Variants in ZNF462 observed in about 807,000 individuals in gnomAD.
ZNF462 encodes the protein zinc finger protein 462, also known as zinc finger PBX1-interacting protein.
ZNF462 carries 10 observed loss-of-function variants against 201.9 expected under a neutral mutation model. The ratio of observed to expected loss-of-function variants is 0.05; its 90% CI spans 0.03 to 0.08. The LOEUF (loss-of-function observed/expected upper bound fraction) is 0.08, where lower values mean the gene tolerates loss of function less well. Ranked by LOEUF, ZNF462 falls within the 10% of genes least tolerant of loss-of-function variation. The pLI is 1.00. For synonymous variants in ZNF462, 1,227 were observed against 1,193.3 expected (o/e 1.03, Z -0.58); for missense variants, 2,523 against 3,168.3 (o/e 0.80, Z 4.89).
At chr9:106,903,534 C>T (rs1227855856) in intron 1 of ZNF462, among the ~76,000 whole-genome samples, 2 of 152,028 alleles carry the variant, frequency 1.3e-5, no homozygotes, top group Admixed American at 1.3e-4. Context: ...ATATTGAAGC[C>T]CCCACTATTA....
At position 106,924,009 on chromosome 9, in the gene ZNF462, T is replaced by G; in HGVS notation, c.221-124T>G. On this transcript the variant is annotated intron_variant, in intron 2 of 12. Transcript: ENST00000277225. This position sits in a 1 kb window ranked among gnomAD's most constrained non-coding sequence, Gnocchi z 6.2. ...GTGAATACTCTTCAAGGCCTCATCT[T>G]GAGACTTCAGGCCTTTTGCATGTGA... The G allele has an allele frequency of 1.2e-6, 1 of 812,424 alleles. No homozygotes were observed. Among genetic ancestry groups the G allele is most frequent in the Non-Finnish European group, 1.9e-6 (1 of 526,434 alleles). 50.3% of individuals were successfully genotyped at this position (812,424 alleles called of 1,614,324 possible).
In ZNF462 at chr9:106,919,478, G is replaced by T. The variant is rs1005664630; in HGVS notation, c.-30-3876G>T. 6.6e-6 allele frequency among the ~76,000 whole-genome samples: 1 copy of T among 152,156 alleles called. No individual in the cohort carries two copies. Reference sequence around the variant, plus strand: ...TTAAGATTGAAAATGAGCAGGCTTTGTCCATAATTTACTTTTCCCCATTTC... The same window carrying T: ...TTAAGATTGAAAATGAGCAGGCTTTTTCCATAATTTACTTTTCCCCATTTC... On this transcript the variant is annotated intron_variant, in intron 1 of 12. Transcript: ENST00000277225. The surrounding 1 kb of genome is among the most constrained non-coding windows in gnomAD (Gnocchi z 4.5).
At chr9:106,958,210 TGA>T (rs57332719) in intron 7 of ZNF462, among the ~76,000 whole-genome samples, 18,949 of 152,112 alleles carry the variant, frequency 0.12, 1,218 homozygotes, top group African/African-American at 0.14. Context: ...CTTTCCCATC[TGA>T]GAGGTCAGGA....
rs556529519 is a variant in ZNF462 at position 106,868,046 on chromosome 9, A to G, written c.-31+4691A>G. ...GCAGAAGTGGAGGGAGACTATTTCC[A>G]TGACTGAAAGCTAAAATCCAGTGAA... is the stretch of plus-strand genomic sequence containing the variant. On this transcript the variant is annotated intron_variant, in intron 1 of 12. Transcript: ENST00000277225. Among the ~76,000 whole-genome samples, 27 of 148,250 alleles carry G rather than the reference A, an allele frequency of 1.8e-4. No individual in the cohort carries two copies. The East Asian group carries it at 4.0e-3, about 22-fold the overall frequency.
intron 7 of ZNF462, among the ~76,000 whole-genome samples, chr9:106,971,246 G>A (rs1564141507): frequency 6.6e-6 from 1 of 151,618 alleles, no homozygotes; most frequent in Non-Finnish European, 1.5e-5. Flanking sequence ...CAAAGGAGGA[G>A]ATGTTGCATC....
At chr9:106,881,341 C>A (rs1828089055) in intron 1 of ZNF462, among the ~76,000 whole-genome samples, 1 of 152,114 alleles carries the variant, frequency 6.6e-6, no homozygotes. Flanking sequence ...CTGTGAGGAC[C>A]TTGGTGGTGA....
At chr9:106,940,572 CT>C (rs1830824405) in intron 7 of ZNF462, among the ~76,000 whole-genome samples, 1 of 152,168 alleles carries the variant, frequency 6.6e-6, no homozygotes, top group Non-Finnish European at 1.5e-5. Context: ...GCTTGGTGGT[CT>C]TTCCTTTGCA....
At chr9:106,910,362 G>GTTTTT (rs1011376719) in intron 1 of ZNF462, among the ~76,000 whole-genome samples, 105 of 64,694 alleles carry the variant, frequency 1.6e-3, no homozygotes, top group African/African-American at 2.6e-3. Context: ...CCTTGTTTTA[G>GTTTTT]TTTTTTTTTT....
In ZNF462 at chr9:106,928,436, C is replaced by T. The variant is rs754037426; in HGVS notation, c.4524C>T (p.Asp1508=). 1.5e-5 allele frequency: 24 copies of T among 1,614,054 alleles called. No homozygotes were observed. Among genetic ancestry groups the T allele is most frequent in the Non-Finnish European group, 3.4e-6 (4 of 1,180,042 alleles). Residue 1508 remains aspartate (D), a synonymous_variant, in exon 3 of 13, where the codon GAC becomes GAT. Transcript: ENST00000277225. This position sits in a 1 kb window ranked among gnomAD's most constrained non-coding sequence, Gnocchi z 9.3. ...VKAADFAQDI[D]INPGAVYKCR... ...CTGCTGACTTTGCCCAGGACATTGA[C>T]ATCAACCCAGGTGCCGTCTACAAAT...
At chr9:106,914,028 A>AT (rs34309250) in intron 1 of ZNF462, among the ~76,000 whole-genome samples, 28,664 of 144,478 alleles carry the variant, frequency 0.2, 3,845 homozygotes, top group Middle Eastern at 0.31. Flanking sequence ...TTCGCCTAGG[A>AT]TTTTTTTTTT....
chr9:106,874,556 G>A (rs1429766176), intron 1 of ZNF462, among the ~76,000 whole-genome samples: 1 of 152,120 alleles, frequency 6.6e-6, no homozygotes, highest in African/African-American at 2.4e-5. Flanking sequence ...TGCAGGCCTG[G>A]CAAAGGAATC....
Position 106,970,360 on chromosome 9 carries a change from G to A in ZNF462, c.6428-1645G>A, listed in dbSNP as rs1826533086. 6.6e-6 allele frequency among the ~76,000 whole-genome samples: 1 copy of A among 152,172 alleles called. No individual in the cohort carries two copies. The highest frequency in any genetic ancestry group is 2.1e-4 in the South Asian group (1 of 4,828). On this transcript the variant is annotated intron_variant, in intron 7 of 12. Coordinates refer to ENST00000277225, the MANE Select transcript of ZNF462 (RefSeq NM_021224.6). This position sits in a 1 kb window ranked among gnomAD's most constrained non-coding sequence, Gnocchi z 4.2. ...AGGAGGCGGGGAGGAGAACAAGAAG[G>A]GGAAGATATTTGAGTGTTTTGCAGA... is the stretch of plus-strand genomic sequence containing the variant.
Position 106,935,858 on chromosome 9 carries a change from G to A in ZNF462, c.6235+237G>A, listed in dbSNP as rs574708481. Among the ~76,000 whole-genome samples, 183 of 152,338 alleles carry A rather than the reference G, an allele frequency of 1.2e-3. No individual in the cohort carries two copies. The highest frequency in any genetic ancestry group is 2.2e-3 in the Non-Finnish European group (151 of 68,026). ...GCCTATGTCACCCATGTTATGGTTAGTTCGTTCGTCCTACTGACAAGTTAG... is the reference window on the plus strand; with the variant it reads ...GCCTATGTCACCCATGTTATGGTTAATTCGTTCGTCCTACTGACAAGTTAG... On this transcript the variant is annotated intron_variant, in intron 6 of 12. Transcript: ENST00000277225. The surrounding 1 kb of genome is among the most constrained non-coding windows in gnomAD (Gnocchi z 4.1).
intron 7 of ZNF462, among the ~76,000 whole-genome samples, chr9:106,947,648 T>C (rs1014525319): frequency 1.3e-5 from 2 of 152,234 alleles, no homozygotes; most frequent in Non-Finnish European, 2.9e-5. Context: ...ATTGGAGGTA[T>C]AAATGATTAA....
In ZNF462 at chr9:106,984,950, A is replaced by C. The variant is rs1827722118; in HGVS notation, c.7056+541A>C. Among the ~76,000 whole-genome samples, 2 of 152,116 alleles carry C rather than the reference A, an allele frequency of 1.3e-5. No homozygotes were observed. Among genetic ancestry groups the C allele is most frequent in the African/African-American group, 4.8e-5 (2 of 41,416 alleles). ...CATGGCGAAACCCCATCTCTACAAA[A>C]AATACAAAAGATTAGCCAGGCATGG... is the stretch of plus-strand genomic sequence containing the variant. On this transcript the variant is annotated intron_variant, in intron 10 of 12. Transcript: ENST00000277225. This position sits in a 1 kb window ranked among gnomAD's most constrained non-coding sequence, Gnocchi z 6.4.
At chr9:106,888,927 C>G (rs1481725210) in intron 1 of ZNF462, among the ~76,000 whole-genome samples, 2 of 152,220 alleles carry the variant, frequency 1.3e-5, no homozygotes, top group Non-Finnish European at 2.9e-5. Flanking sequence ...GATAATGGTA[C>G]AATTTCTACA....
chr9:106,887,806 T>C (rs1477879768), intron 1 of ZNF462, among the ~76,000 whole-genome samples: 1 of 152,182 alleles, frequency 6.6e-6, no homozygotes, highest in Middle Eastern at 3.2e-3. Context: ...TAAAAAGGAC[T>C]TTTTGGGTTA....
chr9:106,974,087 C>T lies in ZNF462; in HGVS notation c.6696-50C>T, dbSNP rs1588138978. 6.2e-7 allele frequency: 1 copy of T among 1,609,154 alleles called. No individual in the cohort carries two copies. Among genetic ancestry groups the T allele is most frequent in the Non-Finnish European group, 8.5e-7 (1 of 1,176,688 alleles). The stretch of plus-strand genomic sequence containing the variant: ...TTTGCCAGCAGGAAATGTGAAAATG[C>T]AATGATCCCTGGTTACACGCATCAC... On this transcript the variant is annotated intron_variant, in intron 8 of 12. Transcript: ENST00000277225. This position sits in a 1 kb window ranked among gnomAD's most constrained non-coding sequence, Gnocchi z 4.0.
In ZNF462 at chr9:106,971,993, G is replaced by A. The variant is rs200638514; in HGVS notation, c.6428-12G>A. 191 of 1,601,514 alleles carry A rather than the reference G, an allele frequency of 1.2e-4. No homozygotes were observed. Among genetic ancestry groups the A allele is most frequent in the East Asian group, 2.7e-4 (12 of 44,610 alleles). On this transcript the variant is annotated splice_polypyrimidine_tract_variant and intron_variant, in intron 7 of 12. Coordinates refer to ENST00000277225, the MANE Select transcript of ZNF462 (RefSeq NM_021224.6). ...CTCTGTGCCCCGTGTCATTTTTCCC[G>A]TCTCTTCACAGACTCATCATATTCA...
Sources: gnomAD v4.1 joint callset for allele counts (sites outside exome capture counted in the v4.1 genomes callset) on GRCh38, gnomAD v4.1.1 for gene constraint, Gnocchi (gnomAD v3.1) non-coding constraint, MANE v1.5 for transcripts, NCBI Gene and HGNC (gene_info 2026-07-23, HGNC 2026-07-21) for gene names.